ZFAT: variants seen among roughly 807,000 people sequenced by gnomAD.
The protein encoded by ZFAT is zinc finger protein ZFAT.
A neutral mutation model predicts 117.7 loss-of-function variants in ZFAT; 64 were observed. The observed-to-expected ratio is 0.54, with a 90% CI of 0.44 to 0.67. The LOEUF (loss-of-function observed/expected upper bound fraction) is 0.67. Among genes scored for constraint, ZFAT ranks in the 30% least tolerant of loss-of-function variants. The probability of loss-of-function intolerance (pLI) is 0.00; values close to 1 mark genes in which losing one functional copy is unlikely to be tolerated. For missense variants in ZFAT, 1,433 were observed against 1,584.5 expected, an observed-to-expected ratio of 0.90 and a Z score of 1.62; for synonymous variants, 679 against 615.0, an observed-to-expected ratio of 1.10 and a Z score of -1.54.
At chr8:134,534,905 T>C (rs1821722336) in intron 11 of ZFAT, among the ~76,000 whole-genome samples, 1 of 152,112 alleles carries the variant, frequency 6.6e-6, no homozygotes, top group African/African-American at 2.4e-5. Context: ...GCAAGAGCAG[T>C]TCCCCCTTCT....
At chr8:134,818,310 T>C in the ZFAT span, among the ~76,000 whole-genome samples, 1 of 152,002 alleles carries the variant, frequency 6.6e-6, no homozygotes, top group Non-Finnish European at 1.5e-5. Context: ...TTTTAACGGG[T>C]AAAAGATTTG....
chr8:134,744,295 GTTT>G, the ZFAT span, among the ~76,000 whole-genome samples: 4 of 132,112 alleles, frequency 3.0e-5, no homozygotes, highest in Non-Finnish European at 3.2e-5. Flanking sequence ...GAGGCTAAGA[GTTT>G]TTTTTTTTTT....
the ZFAT span, among the ~76,000 whole-genome samples, chr8:134,817,335 G>A: frequency 9.3e-5 from 14 of 151,058 alleles, no homozygotes; most frequent in African/African-American, 3.2e-4. Flanking sequence ...TTTTGGACTT[G>A]CCACCCACCA....
chr8:134,707,886 T>G (rs1012580503), intron 1 of ZFAT, among the ~76,000 whole-genome samples: 2 of 152,234 alleles, frequency 1.3e-5, no homozygotes, highest in Non-Finnish European at 2.9e-5. Flanking sequence ...TTGAAAGGAA[T>G]GACTGAACCA....
At chr8:134,776,642 G>T in the ZFAT span, among the ~76,000 whole-genome samples, 1 of 152,286 alleles carries the variant, frequency 6.6e-6, no homozygotes, top group South Asian at 2.1e-4. Context: ...TAGCTGATGG[G>T]CTTTTGTAGC....
At chr8:134,603,067 A>C (rs1827634585) in intron 5 of ZFAT, 134 bp from the exon 6 acceptor site, 1 of 1,209,428 alleles carries the variant, frequency 8.3e-7, no homozygotes, top group Non-Finnish European at 1.2e-6. Flanking sequence ...GGGTGCAGTC[A>C]CTCACTCAAC....
At chr8:134,620,106 T>A (rs1829013511) in intron 3 of ZFAT, among the ~76,000 whole-genome samples, 1 of 152,108 alleles carries the variant, frequency 6.6e-6, no homozygotes, top group African/African-American at 2.4e-5. Context: ...GGACTATAAG[T>A]GGTTTCAATA....
the ZFAT span, among the ~76,000 whole-genome samples, chr8:134,809,049 C>T: frequency 4.6e-5 from 7 of 152,312 alleles, no homozygotes; most frequent in East Asian, 1.3e-3. Context: ...AGTTCAGATA[C>T]AAATACCCTT....
At chr8:134,644,719 C>T (rs557179499) in intron 2 of ZFAT, among the ~76,000 whole-genome samples, 1 of 152,156 alleles carries the variant, frequency 6.6e-6, no homozygotes, top group South Asian at 2.1e-4. Flanking sequence ...CGACACACAG[C>T]ACACTCACAA....
chr8:134,803,382 T>C, the ZFAT span, among the ~76,000 whole-genome samples: 15 of 152,296 alleles, frequency 9.8e-5, no homozygotes, highest in African/African-American at 3.6e-4. Flanking sequence ...CAGCAATAAC[T>C]ATCCTTTCAC....
At chr8:134,784,802 A>T in the ZFAT span, 5 of 152,208 alleles carry the variant, frequency 3.3e-5, no homozygotes, top group Non-Finnish European at 7.4e-5. Context: ...TGCATTTATT[A>T]GTATCTTTAA....
chr8:134,774,762 A>G, the ZFAT span, among the ~76,000 whole-genome samples: 31 of 152,294 alleles, frequency 2.0e-4, no homozygotes, highest in East Asian at 3.7e-3. Flanking sequence ...TTCCTAGCCT[A>G]TCTTCTCATT....
chr8:134,527,826 G>A (rs1242358106), intron 12 of ZFAT, among the ~76,000 whole-genome samples: 1 of 152,182 alleles, frequency 6.6e-6, no homozygotes, highest in Middle Eastern at 3.2e-3. Flanking sequence ...CTTGGCAGAG[G>A]AGCATAAGCA....
At chr8:134,715,389 G>A (rs1814200362), upstream of ZFAT, among the ~76,000 whole-genome samples, 1 of 152,190 alleles carries the variant, frequency 6.6e-6, no homozygotes, top group Non-Finnish European at 1.5e-5. Flanking sequence ...AAGAGTTACT[G>A]AGCACCTATT....
At chr8:134,785,206 CTCATA>C in the ZFAT span, 1 of 152,316 alleles carries the variant, frequency 6.6e-6, no homozygotes, top group African/African-American at 2.4e-5. Context: ...TTGGTTCTCT[CTCATA>C]TATCACTCAT....
intron 1 of ZFAT, among the ~76,000 whole-genome samples, chr8:134,710,926 C>A (rs1312362021): frequency 1.3e-5 from 2 of 152,140 alleles, no homozygotes; most frequent in Admixed American, 1.3e-4. Flanking sequence ...AAGTCCTTAC[C>A]AGTAAAAAAT....
rs75613779 is a variant in ZFAT at position 134,711,047 on chromosome 8, G to A, written c.19+1798C>T. ...GCTAAACAACAGAACAATAAACAAC[G>A]GCTGGCTTTAAGTCTGCTGTTCAGC... On this transcript the variant is annotated intron_variant, in intron 1 of 15. Transcript: ENST00000377838. 8.9e-3 allele frequency among the ~76,000 whole-genome samples: 1,362 copies of A among 152,284 alleles called. 14 individuals carry two copies. Among genetic ancestry groups the A allele is most frequent in the African/African-American group, 0.022 (914 of 41,566 alleles).
the ZFAT span, among the ~76,000 whole-genome samples, chr8:134,775,905 G>T: frequency 2.0e-5 from 3 of 152,188 alleles, no homozygotes; most frequent in Non-Finnish European, 4.4e-5. Flanking sequence ...GTACATCAAA[G>T]TATGCATGTT....
intron 3 of ZFAT, among the ~76,000 whole-genome samples, chr8:134,634,734 A>T (rs1226561921): frequency 6.6e-6 from 1 of 152,198 alleles, no homozygotes; most frequent in Non-Finnish European, 1.5e-5. Context: ...GATGCCACAG[A>T]GCCACACGGA....
Sources: gnomAD v4.1 joint callset for allele counts (sites outside exome capture counted in the v4.1 genomes callset) on GRCh38, gnomAD v4.1.1 for gene constraint, MANE v1.5 for transcripts, NCBI Gene and HGNC (gene_info 2026-07-23, HGNC 2026-07-21) for gene names.